NAPB: variants seen among roughly 807,000 people sequenced by gnomAD.
NAPB encodes the protein NSF attachment protein beta, also known as beta-soluble NSF attachment protein.
Under a neutral mutation model 44.7 loss-of-function variants are expected in NAPB, and 26 were observed. The ratio of observed to expected loss-of-function variants is 0.58; its 90% CI spans 0.43 to 0.81. The LOEUF (loss-of-function observed/expected upper bound fraction) is 0.81. Ranked by LOEUF, NAPB falls within the 30% of genes least tolerant of loss-of-function variation. NAPB has a pLI of 0.00. For missense variants in NAPB, 315 were observed against 356.4 expected (o/e 0.88, Z 0.94); for synonymous variants, 120 against 116.8 (o/e 1.03, Z -0.18).
intron 1 of NAPB, among the ~76,000 whole-genome samples, chr20:23,418,270 G>C (rs1472565559): frequency 1.3e-5 from 2 of 152,080 alleles, no homozygotes; most frequent in Admixed American, 6.6e-5. Context: ...ATTACTCTGC[G>C]TTTTAAATAA....
intron 2 of NAPB, among the ~76,000 whole-genome samples, chr20:23,397,971 A>G (rs1436939152): frequency 6.6e-6 from 1 of 152,140 alleles, no homozygotes; most frequent in African/African-American, 2.4e-5. Context: ...AGAAAGAGGG[A>G]AGGAATCGCT....
intron 8 of NAPB, 38 bp downstream of exon 8, chr20:23,381,175 G>A (rs749788895): frequency 2.2e-6 from 3 of 1,361,466 alleles, no homozygotes; most frequent in East Asian, 2.3e-5. Context: ...GTATTCTTAT[G>A]GGTGAAATCA....
chr20:23,399,422 G>T (rs561593178), intron 2 of NAPB, among the ~76,000 whole-genome samples: 1 of 152,320 alleles, frequency 6.6e-6, no homozygotes, highest in South Asian at 2.1e-4. Flanking sequence ...TAGCAAGAAG[G>T]CGCCATCGTG....
chr20:23,389,394 T>G (rs1301069055), intron 7 of NAPB, among the ~76,000 whole-genome samples: 1 of 152,178 alleles, frequency 6.6e-6, no homozygotes. Flanking sequence ...GTCCAGCAAC[T>G]GCAATTCTAT....
At chr20:23,388,585 C>T (rs1214437305) in intron 7 of NAPB, among the ~76,000 whole-genome samples, 2 of 151,854 alleles carry the variant, frequency 1.3e-5, no homozygotes, top group Non-Finnish European at 2.9e-5. Context: ...AATAGAGAGC[C>T]CAGAAGTAAG....
rs1194886532 is a variant in NAPB, at chr20:23,376,781, G to GTGA, written c.*592_*594dup. 1 of 152,194 alleles carries GTGA rather than the reference G, an allele frequency of 6.6e-6. No individual in the cohort carries two copies. Among genetic ancestry groups the GTGA allele is most frequent in the African/African-American group, 2.4e-5 (1 of 41,444 alleles). 9.4% of individuals were successfully genotyped at this position (152,194 alleles called of 1,614,324 possible). A position where few individuals can be genotyped will look rare whatever the true frequency, so the allele number is the denominator to read the frequency against. On this transcript the variant is annotated 3_prime_UTR_variant, in exon 11 of 11. Coordinates refer to ENST00000377026, the MANE Select transcript of NAPB (RefSeq NM_022080.3). ...TCCAGAAAGCTCCCTTCCTCACAAT[G>GTGA]TGATGCCTACAGACCCTGGCTATTC... is the stretch of plus-strand genomic sequence containing the variant.
intron 1 of NAPB, among the ~76,000 whole-genome samples, chr20:23,420,350 C>A (rs1468064831): frequency 6.6e-6 from 1 of 152,180 alleles, no homozygotes; most frequent in Non-Finnish European, 1.5e-5. Flanking sequence ...AATCAATCTC[C>A]GGAGAAGGAA....
intron 1 of NAPB, among the ~76,000 whole-genome samples, chr20:23,415,743 G>T (rs77427524): frequency 0.076 from 11,558 of 152,236 alleles, 669 homozygotes; most frequent in East Asian, 0.3. Flanking sequence ...CAGCAGAGCA[G>T]ATCGCTTGAG....
At chr20:23,379,560 CT>C (rs1982832565) in intron 9 of NAPB, 65 bp from the exon 10 acceptor site, 2 of 1,258,328 alleles carry the variant, frequency 1.6e-6, no homozygotes, top group Admixed American at 4.3e-5. Flanking sequence ...TAAATATATA[CT>C]TTAAGTATAA....
In NAPB at chr20:23,394,950, T is replaced by A. The variant is rs1218390942; in HGVS notation, c.392A>T (p.Tyr131Phe). The change falls in exon 5 of 11, where the codon TAT becomes TTT. Residue 131 changes from tyrosine to phenylalanine, a missense_variant. Around this residue, in one of 3 missense-constraint regions of NAPB, gnomAD observed 179 missense variants for 182.5 expected, o/e 0.98. Transcript: ENST00000377026. ...CTCAATGTCTACAAGTTCAGTCTCA[T>A]AGATCTCTGCAATAGTAATGTGGTG... ...AKHHITIAEI[Y>F]ETELVDIEKA... 7 of 1,614,090 alleles carry A rather than the reference T, an allele frequency of 4.3e-6. No individual in the cohort carries two copies. Among genetic ancestry groups the A allele is most frequent in the African/African-American group, 2.7e-5 (2 of 74,946 alleles).
chr20:23,381,868 C>T (rs906871733), intron 7 of NAPB, among the ~76,000 whole-genome samples: 1 of 152,318 alleles, frequency 6.6e-6, no homozygotes, highest in Non-Finnish European at 1.5e-5. Context: ...GAGGCCCTAA[C>T]TCCATTTACA....
chr20:23,381,441 T>TA, intron 7 of NAPB, 124 bp from the exon 8 acceptor site: 2 of 590,266 alleles, frequency 3.4e-6, no homozygotes, highest in Non-Finnish European at 5.7e-6. Context: ...ATGAAATATA[T>TA]TATTTTATCC....
intron 1 of NAPB, among the ~76,000 whole-genome samples, chr20:23,419,963 G>A (rs1165158134): frequency 6.6e-6 from 1 of 152,206 alleles, no homozygotes; most frequent in Non-Finnish European, 1.5e-5. Flanking sequence ...AACAAGCTAA[G>A]AGCCCATTAT....
intron 3 of NAPB, 101 bp from the exon 4 acceptor site, chr20:23,395,286 T>A: frequency 4.9e-6 from 6 of 1,224,928 alleles, no homozygotes; most frequent in South Asian, 1.3e-5. Flanking sequence ...GTTAATGAGG[T>A]ATAATTTTGG....
At chr20:23,381,376 C>A (rs1568602813) in intron 7 of NAPB, 59 bp from the exon 8 acceptor site, 2 of 1,027,044 alleles carry the variant, frequency 1.9e-6, no homozygotes, top group Admixed American at 2.5e-5. Flanking sequence ...CAGGCAAAGT[C>A]ATTCTCATCT....
rs1199225766 is a variant in NAPB, at chr20:23,375,963, C to T, written c.*1413G>A. On this transcript the variant is annotated 3_prime_UTR_variant, in exon 11 of 11. Transcript: ENST00000377026. The stretch of plus-strand genomic sequence containing the variant: ...CATCATTTCTCAAACAACCTGCAGT[C>T]GACCCTTGGCCTGGAAACACTACCA... 1 of 152,244 alleles carries T rather than the reference C, an allele frequency of 6.6e-6. No homozygotes were observed. Among genetic ancestry groups the T allele is most frequent in the Non-Finnish European group, 1.5e-5 (1 of 68,080 alleles). The allele number at this position is 152,244 out of a possible 1,614,324, so 9.4% of individuals were successfully genotyped here.
At chr20:23,385,013 G>T (rs1180316446) in intron 7 of NAPB, among the ~76,000 whole-genome samples, 1 of 152,088 alleles carries the variant, frequency 6.6e-6, no homozygotes, top group Non-Finnish European at 1.5e-5. Flanking sequence ...CAGCTACTCG[G>T]GAGGCTGAGG....
intron 7 of NAPB, among the ~76,000 whole-genome samples, chr20:23,385,972 T>A (rs540604049): frequency 1.5e-4 from 23 of 152,164 alleles, no homozygotes; most frequent in Non-Finnish European, 1.3e-4. Context: ...CAAAAATATG[T>A]TATCTAACCA....
intron 9 of NAPB, 158 bp downstream of exon 9, chr20:23,379,709 T>C (rs1051502686): frequency 1.1e-4 from 71 of 672,338 alleles, no homozygotes; most frequent in Admixed American, 1.0e-3. Context: ...CTGACCTTAA[T>C]TGCATTTGAA....
Sources: allele counts gnomAD v4.1 joint callset (sites outside exome capture counted in the v4.1 genomes callset), GRCh38; gene constraint gnomAD v4.1.1; regional missense constraint gnomAD v4.1.1; transcripts MANE v1.5; gene names NCBI Gene and HGNC (gene_info 2026-07-23, HGNC 2026-07-21).